ARHGEF6: variants seen among roughly 807,000 people sequenced by gnomAD.
The protein encoded by ARHGEF6 is Rac/Cdc42 guanine nucleotide exchange factor 6, also known as rho guanine nucleotide exchange factor 6.
Under a neutral mutation model 70.3 loss-of-function variants are expected in ARHGEF6, and 9 were observed. That is an observed-to-expected ratio of 0.13 (90% CI 0.08 to 0.22). The LOEUF is 0.22. ARHGEF6 is among the 10% of genes least tolerant of loss of function. The probability of loss-of-function intolerance (pLI) is 1.00; values close to 1 mark genes in which losing one functional copy is unlikely to be tolerated. For synonymous variants in ARHGEF6, 201 were observed against 207.8 expected, an observed-to-expected ratio of 0.97 and a Z score of 0.28; for missense variants, 470 against 563.0, an observed-to-expected ratio of 0.83 and a Z score of 1.67.
At chrX:136,713,495 C>A in intron 6 of ARHGEF6, 125 bp from the exon 7 acceptor site, 1 of 493,871 alleles carries the variant, frequency 2.0e-6, no homozygotes, top group Non-Finnish European at 3.5e-6. Context: ...CCATTGCAAG[C>A]AAGGAACACA....
intron 7 of ARHGEF6, among the ~76,000 whole-genome samples, chrX:136,710,409 G>T (rs2148619536): frequency 9.6e-6 from 1 of 103,718 alleles, no homozygotes; most frequent in African/African-American, 3.5e-5. Context: ...AGAAAGAAAG[G>T]GAAGAAGACC....
intron 15 of ARHGEF6, among the ~76,000 whole-genome samples, chrX:136,679,930 T>C (rs146572845): frequency 4.4e-5 from 5 of 112,467 alleles, no homozygotes; most frequent in African/African-American, 1.6e-4. Context: ...TTCTTTCCTC[T>C]GTAAGGAAGG....
intron 19 of ARHGEF6, among the ~76,000 whole-genome samples, chrX:136,673,410 C>G (rs1467491124): frequency 8.9e-6 from 1 of 111,893 alleles, no homozygotes; most frequent in Non-Finnish European, 1.9e-5. Context: ...TAGAAGGTCA[C>G]CACGATGCTA....
intron 9 of ARHGEF6, among the ~76,000 whole-genome samples, chrX:136,698,119 G>C (rs755702790): frequency 8.9e-6 from 1 of 111,770 alleles, no homozygotes; most frequent in African/African-American, 3.2e-5. Context: ...TAAAATAACT[G>C]AAATTTAAAA....
rs1018405452 is a variant in ARHGEF6 at position 136,681,347 on chromosome X, C to T, written c.1559-471G>A. Reference sequence around the variant, plus strand: ...ATGATCCCAGTCTTAGCCACTGTGCCATATCAGCACCAACAGTCAGGCCAC... The same window carrying T: ...ATGATCCCAGTCTTAGCCACTGTGCTATATCAGCACCAACAGTCAGGCCAC... On this transcript the variant is annotated intron_variant, in intron 14 of 21. Transcript: ENST00000250617. Among the ~76,000 whole-genome samples, 4 of 111,974 alleles carry T rather than the reference C, an allele frequency of 3.6e-5. 1 individual carries two copies. The highest frequency in any genetic ancestry group is 1.3e-4 in the African/African-American group (4 of 30,812).
chrX:136,774,713 A>G (rs2077390410), intron 2 of ARHGEF6, among the ~76,000 whole-genome samples: 1 of 109,049 alleles, frequency 9.2e-6, no homozygotes, highest in Non-Finnish European at 1.9e-5. Context: ...GAAAAATTTA[A>G]AATTTCCTGA....
At chrX:136,690,223 C>T (rs1282437078) in intron 10 of ARHGEF6, among the ~76,000 whole-genome samples, 5 of 111,558 alleles carry the variant, frequency 4.5e-5, no homozygotes, top group Non-Finnish European at 7.5e-5. Context: ...TGTTGTTTTG[C>T]TCTATCTCCC....
intron 9 of ARHGEF6, among the ~76,000 whole-genome samples, chrX:136,698,524 G>A (rs1167134546): frequency 2.7e-5 from 3 of 111,805 alleles, no homozygotes; most frequent in Non-Finnish European, 3.8e-5. Flanking sequence ...AGAACAACTC[G>A]TCATGGGCTA....
At chrX:136,673,822 TTCTCTC>T (rs2076250666) in intron 19 of ARHGEF6, among the ~76,000 whole-genome samples, 1 of 110,634 alleles carries the variant, frequency 9.0e-6, no homozygotes, top group African/African-American at 3.3e-5. Flanking sequence ...AATGCTTTCT[TTCTCTC>T]TCTCTTTCTC....
At chrX:136,694,185 C>T (rs181777269) in intron 9 of ARHGEF6, among the ~76,000 whole-genome samples, 54 of 109,790 alleles carry the variant, frequency 4.9e-4, no homozygotes, top group African/African-American at 6.6e-4. Flanking sequence ...CCTGGGTAGC[C>T]GGGACTACAG....
At chrX:136,765,121 G>T (rs2077301363) in intron 2 of ARHGEF6, among the ~76,000 whole-genome samples, 1 of 111,638 alleles carries the variant, frequency 9.0e-6, no homozygotes, top group Non-Finnish European at 1.9e-5. Context: ...TTCCACCAGG[G>T]TATAATGAGT....
intron 9 of ARHGEF6, among the ~76,000 whole-genome samples, chrX:136,701,371 A>G (rs942125594): frequency 1.8e-5 from 2 of 111,948 alleles, no homozygotes; most frequent in African/African-American, 6.5e-5. Flanking sequence ...ATCTTGAAAG[A>G]AGCCAGACAG....
At chrX:136,721,461 G>T (rs750416163) in intron 6 of ARHGEF6, among the ~76,000 whole-genome samples, 1 of 111,350 alleles carries the variant, frequency 9.0e-6, no homozygotes, top group East Asian at 2.8e-4. Flanking sequence ...TACTTGGGAG[G>T]CTGAGGTGGA....
intron 5 of ARHGEF6, among the ~76,000 whole-genome samples, chrX:136,737,709 G>A (rs2077001339): frequency 9.7e-6 from 1 of 102,932 alleles, no homozygotes. Context: ...AAGACAGAGA[G>A]AGATTAATTA....
At position 136,743,575 on chromosome X, in the gene ARHGEF6, C is replaced by T; in HGVS notation, c.661+10G>A. ...TCACAATCAAAAAGCCTTTTAAAAA[C>T]TTCACTTACCACTGGATTTAATTTC... On this transcript the variant is annotated intron_variant, in intron 5 of 21. Transcript: ENST00000250617. 1 of 1,208,115 alleles carries T rather than the reference C, an allele frequency of 8.3e-7. No individual in the cohort carries two copies. Among genetic ancestry groups the T allele is most frequent in the Non-Finnish European group, 1.1e-6 (1 of 892,154 alleles).
chrX:136,676,449 T>A (rs1359084182), intron 18 of ARHGEF6, among the ~76,000 whole-genome samples, 175 bp downstream of exon 18: 1 of 112,561 alleles, frequency 8.9e-6, no homozygotes, highest in Non-Finnish European at 1.9e-5. Flanking sequence ...CGTAAGAAGC[T>A]TATTCAAATG....
intron 6 of ARHGEF6, 133 bp from the exon 7 acceptor site, chrX:136,713,503 A>T: frequency 2.1e-6 from 1 of 483,261 alleles, no homozygotes; most frequent in Middle Eastern, 5.8e-4. Context: ...AGCAAGGAAC[A>T]CAAAATCTGA....
chrX:136,734,104 C>A (rs149400250), intron 5 of ARHGEF6, among the ~76,000 whole-genome samples: 2 of 112,079 alleles, frequency 1.8e-5, no homozygotes, highest in African/African-American at 6.5e-5. Context: ...ACTGTTCTTG[C>A]GACAGTGAGT....
intron 1 of ARHGEF6, among the ~76,000 whole-genome samples, chrX:136,779,868 A>G (rs2077433538): frequency 8.9e-6 from 1 of 111,790 alleles, no homozygotes; most frequent in Non-Finnish European, 1.9e-5. Context: ...ATAATTTAAT[A>G]AAATTCTATT....
Sources: allele counts gnomAD v4.1 joint callset (sites outside exome capture counted in the v4.1 genomes callset), GRCh38; gene constraint gnomAD v4.1.1; transcripts MANE v1.5; gene names NCBI Gene and HGNC (gene_info 2026-07-23, HGNC 2026-07-21).